Variants in EPG5 observed in about 807,000 individuals in gnomAD.
EPG5 encodes ectopic P granules protein 5 homolog.
Under a neutral mutation model 302.7 loss-of-function variants are expected in EPG5, and 159 were observed. That is an observed-to-expected ratio of 0.53 (90% CI 0.46 to 0.60). EPG5 has a LOEUF of 0.60. Ranked by LOEUF, EPG5 falls within the 20% of genes least tolerant of loss-of-function variation. EPG5 has a pLI of 0.00. For missense variants in EPG5, 2,896 were observed against 3,092.4 expected (o/e 0.94, Z 1.51); for synonymous variants, 1,158 against 1,136.8 (o/e 1.02, Z -0.37).
intron 39 of EPG5, among the ~76,000 whole-genome samples, chr18:45,863,241 C>A (rs1225709947): frequency 3.3e-5 from 5 of 152,134 alleles, no homozygotes; most frequent in African/African-American, 1.2e-4. Flanking sequence ...TATTAACCTA[C>A]CTTAACAATC....
At chr18:45,897,793 A>G (rs1311103413) in intron 27 of EPG5, among the ~76,000 whole-genome samples, 8 of 152,374 alleles carry the variant, frequency 5.3e-5, no homozygotes, top group East Asian at 3.9e-4. Context: ...AGATTATTTC[A>G]GAGAAGACAT....
intron 41 of EPG5, 65 bp downstream of exon 41, chr18:45,858,501 A>C: frequency 8.0e-7 from 1 of 1,247,404 alleles, no homozygotes; most frequent in Non-Finnish European, 1.2e-6. Flanking sequence ...AGCTAGACTT[A>C]AGCTCTAAAT....
At chr18:45,892,090 C>A (rs187888343) in intron 27 of EPG5, among the ~76,000 whole-genome samples, 217 of 152,282 alleles carry the variant, frequency 1.4e-3, no homozygotes, top group African/African-American at 5.1e-3. Flanking sequence ...GACCACTTGA[C>A]TGGAAAAATG....
At chr18:45,923,067 T>C (rs1375890114) in intron 15 of EPG5, among the ~76,000 whole-genome samples, 2 of 152,258 alleles carry the variant, frequency 1.3e-5, no homozygotes, top group Non-Finnish European at 2.9e-5. Context: ...ATTCAAATTC[T>C]GTAATATTAG....
chr18:45,912,462 A>G lies in EPG5; in HGVS notation c.3817-6T>C. ...TTCAGCTGGGTCTGGGCTTTCTACAAAAAAGAAAGGGCTTTGAGTAGCCAC... is the reference window on the plus strand; with the variant it reads ...TTCAGCTGGGTCTGGGCTTTCTACAGAAAAGAAAGGGCTTTGAGTAGCCAC... On this transcript the variant is annotated splice_region_variant and splice_polypyrimidine_tract_variant and intron_variant, in intron 21 of 43. Coordinates refer to ENST00000282041, the MANE Select transcript of EPG5 (RefSeq NM_020964.3). 1.9e-6 allele frequency: 3 copies of G among 1,588,174 alleles called. No individual in the cohort carries two copies. Among genetic ancestry groups the G allele is most frequent in the Non-Finnish European group, 1.7e-6 (2 of 1,171,782 alleles).
chr18:45,889,475 A>G (rs2049291897), intron 28 of EPG5, among the ~76,000 whole-genome samples: 1 of 152,218 alleles, frequency 6.6e-6, no homozygotes, highest in Admixed American at 6.5e-5. Flanking sequence ...TCATCTCACA[A>G]TTCAGGGGTC....
At chr18:45,871,245 G>A (rs2048865836) in intron 35 of EPG5, among the ~76,000 whole-genome samples, 1 of 152,230 alleles carries the variant, frequency 6.6e-6, no homozygotes, top group South Asian at 2.1e-4. Context: ...GTGCACAGCT[G>A]TTAGGATAGC....
intron 20 of EPG5, 151 bp from the exon 21 acceptor site, chr18:45,913,979 C>A: frequency 1.2e-6 from 1 of 841,050 alleles, no homozygotes; most frequent in Non-Finnish European, 1.8e-6. Context: ...TTTATACCTA[C>A]CTATATCCTT....
Position 45,889,726 on chromosome 18 carries a change from T to TATA in EPG5, c.4952+69_4952+71dup, listed in dbSNP as rs144989868. 378 of 1,387,284 alleles carry TATA rather than the reference T, an allele frequency of 2.7e-4. 1 individual carries two copies. In the African/African-American group the frequency reaches 4.5e-3, roughly 17 times the overall value. The allele number at this position is 1,387,284 out of a possible 1,614,324, so 85.9% of individuals were successfully genotyped here. On this transcript the variant is annotated intron_variant, in intron 28 of 43. Transcript: ENST00000282041. Reference sequence around the variant, plus strand: ...GTGGGTGCTGCAGGGGTGGTGGTGGTATAGTAGCATGTATGATTACTATTC... The same window carrying TATA: ...GTGGGTGCTGCAGGGGTGGTGGTGGTATAATAGTAGCATGTATGATTACTATTC...
the EPG5 span, among the ~76,000 whole-genome samples, chr18:45,834,474 G>A: frequency 3.9e-5 from 6 of 152,334 alleles, no homozygotes; most frequent in East Asian, 9.7e-4. Context: ...TGGGGCTCAG[G>A]GAAGCCCCCT....
chr18:45,916,474 A>G lies in EPG5; in HGVS notation c.3348T>C (p.His1116=), dbSNP rs1461997629. 2.5e-6 allele frequency: 4 copies of G among 1,613,632 alleles called. No individual in the cohort carries two copies. The highest frequency in any genetic ancestry group is 2.2e-5 in the East Asian group (1 of 44,854). ...TGTTGAGAAGCTTCACGTTGTCCCC[A>G]TGGCTGGCTCCTGTCAGGTGCTGTG... ...KVAQHLTGAS[H]GDNVKLLNSM... Residue 1116 remains histidine, a synonymous_variant, in exon 18 of 44, where the codon CAT becomes CAC. Transcript: ENST00000282041.
At chr18:45,866,766 G>A in intron 38 of EPG5, 32 bp downstream of exon 38, 1 of 1,543,596 alleles carries the variant, frequency 6.5e-7, no homozygotes. Context: ...TCCAGGAACA[G>A]TCTCTGCCTT....
chr18:45,882,955 C>A (rs1479240859), intron 30 of EPG5, among the ~76,000 whole-genome samples: 2 of 148,258 alleles, frequency 1.3e-5, no homozygotes, highest in Non-Finnish European at 1.5e-5. Context: ...TGCAGTGAGC[C>A]GAGATCACGC....
At chr18:45,966,680 C>T (rs1419640425) in intron 1 of EPG5, among the ~76,000 whole-genome samples, 1 of 152,154 alleles carries the variant, frequency 6.6e-6, no homozygotes, top group African/African-American at 2.4e-5. Flanking sequence ...AGAGGCAGCA[C>T]TACTATCATC....
chr18:45,916,361 A>G (rs995060871), intron 18 of EPG5, 77 bp downstream of exon 18: 64 of 1,565,308 alleles, frequency 4.1e-5, no homozygotes, highest in Non-Finnish European at 5.2e-6. Flanking sequence ...AATGACTAAA[A>G]CCTAAGTGTG....
the EPG5 span, among the ~76,000 whole-genome samples, chr18:45,827,258 T>A: frequency 0.019 from 2,868 of 152,210 alleles, 100 homozygotes; most frequent in African/African-American, 0.065. Flanking sequence ...TTTTCACAGA[T>A]GAAGAACATG....
chr18:45,842,114 C>A, the EPG5 span: 1 of 1,614,182 alleles, frequency 6.2e-7, no homozygotes, highest in Admixed American at 1.7e-5. Flanking sequence ...AGGTCCCAGG[C>A]CCAGGAGTCC....
At position 45,858,710 on chromosome 18, in the gene EPG5, T is replaced by G. The variant is rs374750937; in HGVS notation, c.7082A>C (p.Glu2361Ala). 5.0e-6 allele frequency: 8 copies of G among 1,614,054 alleles called. No individual in the cohort carries two copies. The African/African-American group carries it at 9.3e-5, about 19-fold the overall frequency. The change falls in exon 41 of 44, where the codon GAG becomes GCG. Residue 2361 changes from glutamate (E) to alanine (A), a missense_variant. By Grantham distance (107) the Glu-to-Ala change is moderately radical. Transcript: ENST00000282041. ...CAAGGTGAGGCACTCCTGCAGGAAC[T>G]CTTCCATGGTGAGCTCGGGAACCTG... ...SLQVPELTME[E>A]FLQECLTLGS...
chr18:45,825,327 GGAGGGAGGGAGAGGAAGGAAGT>G, the EPG5 span, among the ~76,000 whole-genome samples: 1 of 150,970 alleles, frequency 6.6e-6, no homozygotes, highest in Non-Finnish European at 1.5e-5. Flanking sequence ...AGGAAAGGAA[GGAGGGAGGGAGAGGAAGGAAGT>G]GAGGGAGGGA....
Sources: gnomAD v4.1 joint callset for allele counts (sites outside exome capture counted in the v4.1 genomes callset) on GRCh38, gnomAD v4.1.1 for gene constraint, MANE v1.5 for transcripts, NCBI Gene and HGNC (gene_info 2026-07-23, HGNC 2026-07-21) for gene names.